KRTAP10-12: variants seen among roughly 807,000 people sequenced by gnomAD.
KRTAP10-12 encodes the protein keratin-associated protein 10-12.
For synonymous variants in KRTAP10-12, 142 were observed against 139.1 expected (o/e 1.02, Z -0.14); for missense variants, 311 against 324.4 (o/e 0.96, Z 0.32).
Position 44,697,829 on chromosome 21 carries a change from C to T in KRTAP10-12, c.628C>T (p.Pro210Ser). 1 of 1,613,320 alleles carries T rather than the reference C, an allele frequency of 6.2e-7. No homozygotes were observed. The highest frequency in any genetic ancestry group is 1.1e-5 in the South Asian group (1 of 91,030). The part of the protein sequence containing the change: ...RPVCRPARRV[P>S]VPSCCVPTSS... ...TGTGTGCAGACCCGCCCGCCGCGTGCCCGTCCCCTCCTGCTGTGTCCCCAC... is the reference window on the plus strand; with the variant it reads ...TGTGTGCAGACCCGCCCGCCGCGTGTCCGTCCCCTCCTGCTGTGTCCCCAC... Residue 210 changes from proline to serine, a missense_variant, in exon 1 of 1, where the codon CCC becomes TCC. Pro to Ser is a moderately conservative substitution (Grantham distance 74, BLOSUM62 -1). Coordinates refer to ENST00000400365, the MANE Select transcript of KRTAP10-12 (RefSeq NM_198699.1).
chr21:44,697,843 C>T lies in KRTAP10-12; in HGVS notation c.642C>T (p.Cys214=). The change falls in exon 1 of 1, where the codon TGC becomes TGT. Residue 214 remains cysteine (C), a synonymous_variant. Coordinates refer to ENST00000400365, the MANE Select transcript of KRTAP10-12 (RefSeq NM_198699.1). ...CCCGCCGCGTGCCCGTCCCCTCCTG[C>T]TGTGTCCCCACCTCCTCCTGCCAGC... ...RPARRVPVPS[C]CVPTSSCQPS... 1 of 1,604,318 alleles carries T rather than the reference C, an allele frequency of 6.2e-7. No homozygotes were observed.
In KRTAP10-12 at chr21:44,697,765, C is replaced by A; in HGVS notation, c.564C>A (p.Cys188Ter). The change falls in exon 1 of 1, where the codon TGC becomes TGA. Residue 188 changes from cysteine (C) to a stop codon, truncating the protein, a stop_gained. Coordinates refer to ENST00000400365, the MANE Select transcript of KRTAP10-12 (RefSeq NM_198699.1). LOFTEE classifies it low-confidence loss of function (END_TRUNC). The part of the protein sequence containing the change: ...SCQPACCTTS[C>*]CRPSSSVSLL... ...AGCCAGCTTGCTGCACCACCTCCTG[C>A]TGCAGACCCTCCTCCTCCGTGTCCC... is the stretch of plus-strand genomic sequence containing the variant. 1 of 1,614,134 alleles carries A rather than the reference C, an allele frequency of 6.2e-7. No individual in the cohort carries two copies. The highest frequency in any genetic ancestry group is 8.5e-7 in the Non-Finnish European group (1 of 1,180,010).
chr21:44,697,568 G>C lies in KRTAP10-12; in HGVS notation c.367G>C (p.Val123Leu). The part of the protein sequence containing the change: ...VCCKPVCCMP[V>L]CCGPSSSCCQ... ...CTGCAAGCCTGTGTGCTGTATGCCCGTCTGCTGTGGGCCTTCTTCTTCATG... is the reference window on the plus strand; with the variant it reads ...CTGCAAGCCTGTGTGCTGTATGCCCCTCTGCTGTGGGCCTTCTTCTTCATG... Residue 123 changes from valine (V) to leucine (L), a missense_variant, in exon 1 of 1, where the codon GTC (valine) becomes CTC (leucine). Physicochemically the swap from Val to Leu is conservative, Grantham distance 32. Coordinates refer to ENST00000400365, the MANE Select transcript of KRTAP10-12 (RefSeq NM_198699.1). 6.2e-7 allele frequency: 1 copy of C among 1,612,944 alleles called. No homozygotes were observed. Among genetic ancestry groups the C allele is most frequent in the Non-Finnish European group, 8.5e-7 (1 of 1,179,828 alleles).
Position 44,697,871 on chromosome 21 carries a change from A to G in KRTAP10-12, c.670A>G (p.Ser224Gly), listed in dbSNP as rs1555950984. 6.2e-7 allele frequency: 1 copy of G among 1,603,170 alleles called. No individual in the cohort carries two copies. The highest frequency in any genetic ancestry group is 8.5e-7 in the Non-Finnish European group (1 of 1,174,684). ...CCVPTSSCQP[S>G]CGRLASCGSL... ...TGTCCCCACCTCCTCCTGCCAGCCA[A>G]GCTGCGGCCGCCTGGCCTCCTGCGG... Residue 224 changes from serine (S) to glycine (G), a missense_variant, in exon 1 of 1, where the codon AGC (serine) becomes GGC (glycine). By Grantham distance (56) the Ser-to-Gly change is moderately conservative (BLOSUM62 0). Coordinates refer to ENST00000400365, the MANE Select transcript of KRTAP10-12 (RefSeq NM_198699.1).
At position 44,697,643 on chromosome 21, in the gene KRTAP10-12, C is replaced by G. The variant is rs1987432387; in HGVS notation, c.442C>G (p.Gln148Glu). Residue 148 changes from glutamine (Q) to glutamate (E), a missense_variant, in exon 1 of 1, where the codon CAA becomes GAA. Physicochemically the swap from Gln to Glu is conservative, Grantham distance 29. Coordinates refer to ENST00000400365, the MANE Select transcript of KRTAP10-12 (RefSeq NM_198699.1). ...AGCTTGCTGCATCTCCTCCCCGTGT[C>G]AACAGTCCTGCTGTGTGCCCGTCTG... ...QPACCISSPCQQSCCVPVCCK... is the reference protein window; with the variant it reads ...QPACCISSPCEQSCCVPVCCK... The G allele has an allele frequency of 1.2e-6, 2 of 1,613,580 alleles. No individual in the cohort carries two copies. The highest frequency in any genetic ancestry group is 2.7e-5 in the African/African-American group (2 of 74,680).
At position 44,697,413 on chromosome 21, in the gene KRTAP10-12, C is replaced by T; in HGVS notation, c.212C>T (p.Pro71Leu). 2 of 1,613,816 alleles carry T rather than the reference C, an allele frequency of 1.2e-6. No homozygotes were observed. The highest frequency in any genetic ancestry group is 1.3e-5 in the African/African-American group (1 of 75,048). The change falls in exon 1 of 1, where the codon CCC becomes CTC. Residue 71 changes from proline to leucine, a missense_variant. By Grantham distance (98) the Pro-to-Leu change is moderately conservative. Coordinates refer to ENST00000400365, the MANE Select transcript of KRTAP10-12 (RefSeq NM_198699.1). ...TGCCGAGTGACCTGTGAGCCCAGCC[C>T]CTGCCAATCAGGCTGCACCAGCTCC... ...PCCRVTCEPS[P>L]CQSGCTSSCT...
Position 44,697,411 on chromosome 21 carries a change from C to T in KRTAP10-12, c.210C>T (p.Ser70=). The T allele has an allele frequency of 1.2e-6, 2 of 1,613,724 alleles. No individual in the cohort carries two copies. The highest frequency in any genetic ancestry group is 8.5e-7 in the Non-Finnish European group (1 of 1,180,008). The change falls in exon 1 of 1, where the codon AGC becomes AGT. Residue 70 remains serine (S), a synonymous_variant. Transcript: ENST00000400365. ...SPCCRVTCEP[S]PCQSGCTSSC... ...GCTGCCGAGTGACCTGTGAGCCCAG[C>T]CCCTGCCAATCAGGCTGCACCAGCT... is the stretch of plus-strand genomic sequence containing the variant.
chr21:44,697,579 G>T lies in KRTAP10-12; in HGVS notation c.378G>T (p.Gly126=), dbSNP rs1987427536. The T allele has an allele frequency of 6.2e-7, 1 of 1,612,884 alleles. No individual in the cohort carries two copies. ...TGTGCTGTATGCCCGTCTGCTGTGG[G>T]CCTTCTTCTTCATGCTGCCAGCAGT... ...KPVCCMPVCC[G]PSSSCCQQSS... The change falls in exon 1 of 1, where the codon GGG becomes GGT. Residue 126 remains glycine, a synonymous_variant. Transcript: ENST00000400365.
Position 44,697,781 on chromosome 21 carries a change from T to C in KRTAP10-12, c.580T>C (p.Ser194Pro). The change falls in exon 1 of 1, where the codon TCC (serine) becomes CCC (proline). Residue 194 changes from serine (S) to proline (P), a missense_variant. Transcript: ENST00000400365. Reference protein sequence around the residue: ...CTTSCCRPSSSVSLLCRPVCR... With the variant: ...CTTSCCRPSSPVSLLCRPVCR... ...CACCTCCTGCTGCAGACCCTCCTCC[T>C]CCGTGTCCCTCCTCTGCCGCCCTGT... 6.2e-7 allele frequency: 1 copy of C among 1,613,874 alleles called. No individual in the cohort carries two copies. The highest frequency in any genetic ancestry group is 1.3e-5 in the African/African-American group (1 of 74,958).
In KRTAP10-12 at chr21:44,697,984, C is replaced by T; in HGVS notation, c.*45C>T. On this transcript the variant is annotated 3_prime_UTR_variant, in exon 1 of 1. Coordinates refer to ENST00000400365, the MANE Select transcript of KRTAP10-12 (RefSeq NM_198699.1). ...AGTCCAGCTGCTGCCAGGCATGTCC[C>T]CCAGGGCCACTGGGCACTATGAGTC... is the stretch of plus-strand genomic sequence containing the variant. The T allele has an allele frequency of 2.5e-6, 4 of 1,579,254 alleles. No individual in the cohort carries two copies. The South Asian group carries it at 3.6e-5, about 14-fold the overall frequency.
In KRTAP10-12 at chr21:44,697,370, C is replaced by A; in HGVS notation, c.169C>A (p.Arg57Ser). Residue 57 changes from arginine to serine, a missense_variant, in exon 1 of 1, where the codon CGT (arginine) becomes AGT (serine). Physicochemically the swap from Arg to Ser is moderately radical, Grantham distance 110. Transcript: ENST00000400365. ...GAGCCTGGTCTGCACCCCAGTGAGCCGTGTATCCAGCCCCTGCTGCCGAGT... is the reference window on the plus strand; with the variant it reads ...GAGCCTGGTCTGCACCCCAGTGAGCAGTGTATCCAGCCCCTGCTGCCGAGT... ...CLSLVCTPVS[R>S]VSSPCCRVTC... is the part of the protein sequence containing the mutation. 7 of 1,612,868 alleles carry A rather than the reference C, an allele frequency of 4.3e-6. No homozygotes were observed. Among genetic ancestry groups the A allele is most frequent in the Non-Finnish European group, 5.9e-6 (7 of 1,179,910 alleles).
At position 44,697,270 on chromosome 21, in the gene KRTAP10-12, C is replaced by T; in HGVS notation, c.69C>T (p.Cys23=). 6.2e-7 allele frequency: 1 copy of T among 1,614,092 alleles called. No homozygotes were observed. The highest frequency in any genetic ancestry group is 8.5e-7 in the Non-Finnish European group (1 of 1,180,012). Residue 23 remains cysteine, a synonymous_variant, in exon 1 of 1, where the codon TGC becomes TGT. Transcript: ENST00000400365. ...RVCLPGSCDS[C]SDSWQVDDCP... ...GCCTTCCTGGTTCCTGTGACTCTTG[C>T]TCCGACTCCTGGCAGGTGGACGACT...
chr21:44,697,999 C>T lies in KRTAP10-12; in HGVS notation c.*60C>T. 2 of 1,555,626 alleles carry T rather than the reference C, an allele frequency of 1.3e-6. No homozygotes were observed. Among genetic ancestry groups the T allele is most frequent in the Non-Finnish European group, 1.7e-6 (2 of 1,146,764 alleles). Reference sequence around the variant, plus strand: ...AGGCATGTCCCCCAGGGCCACTGGGCACTATGAGTCCCCCACCTCTCCCAC... The same window carrying T: ...AGGCATGTCCCCCAGGGCCACTGGGTACTATGAGTCCCCCACCTCTCCCAC... On this transcript the variant is annotated 3_prime_UTR_variant, in exon 1 of 1. Transcript: ENST00000400365.
At position 44,697,211 on chromosome 21, in the gene KRTAP10-12, T is replaced by C; in HGVS notation, c.10T>C (p.Cys4Arg). Residue 4 changes from cysteine to arginine, a missense_variant, in exon 1 of 1, where the codon TGC (cysteine) becomes CGC (arginine). Physicochemically the swap from Cys to Arg is radical, Grantham distance 180. Transcript: ENST00000400365. Reference sequence around the variant, plus strand: ...CACGGCTGCATCCACCATGTCCGTCTGCTCCAGCGACCTGAGCTATGGCAG... The same window carrying C: ...CACGGCTGCATCCACCATGTCCGTCCGCTCCAGCGACCTGAGCTATGGCAG... MSV[C>R]SSDLSYGSRV... 3 of 1,613,822 alleles carry C rather than the reference T, an allele frequency of 1.9e-6. No homozygotes were observed. Among genetic ancestry groups the C allele is most frequent in the African/African-American group, 1.3e-5 (1 of 75,048 alleles).
rs782180394 is a variant in KRTAP10-12, at chr21:44,697,277, T to G, written c.76T>G (p.Ser26Ala). The change falls in exon 1 of 1, where the codon TCC becomes GCC. Residue 26 changes from serine to alanine, a missense_variant. Ser to Ala is a moderately conservative substitution (Grantham distance 99, BLOSUM62 1). Coordinates refer to ENST00000400365, the MANE Select transcript of KRTAP10-12 (RefSeq NM_198699.1). ...TGGTTCCTGTGACTCTTGCTCCGAC[T>G]CCTGGCAGGTGGACGACTGCCCAGA... ...LPGSCDSCSDSWQVDDCPESC... is the reference protein window; with the variant it reads ...LPGSCDSCSDAWQVDDCPESC... 6.8e-6 allele frequency: 11 copies of G among 1,613,892 alleles called. No individual in the cohort carries two copies. The African/African-American group carries it at 1.3e-4, about 20-fold the overall frequency.
Position 44,697,745 on chromosome 21 carries a change from G to T in KRTAP10-12, c.544G>T (p.Ala182Ser). 1.2e-6 allele frequency: 2 copies of T among 1,614,094 alleles called. No homozygotes were observed. Among genetic ancestry groups the T allele is most frequent in the Non-Finnish European group, 1.7e-6 (2 of 1,180,008 alleles). ...CTGCCAGCAGTCTAGCTGCCAGCCA[G>T]CTTGCTGCACCACCTCCTGCTGCAG... ...LCCQQSSCQPACCTTSCCRPS... is the reference protein window; with the variant it reads ...LCCQQSSCQPSCCTTSCCRPS... The change falls in exon 1 of 1, where the codon GCT becomes TCT. Residue 182 changes from alanine (A) to serine (S), a missense_variant. By Grantham distance (99) the Ala-to-Ser change is moderately conservative. Transcript: ENST00000400365.
chr21:44,697,488 C>A lies in KRTAP10-12; in HGVS notation c.287C>A (p.Thr96Asn). 1 of 1,613,816 alleles carries A rather than the reference C, an allele frequency of 6.2e-7. No individual in the cohort carries two copies. The highest frequency in any genetic ancestry group is 2.2e-5 in the East Asian group (1 of 44,876). Residue 96 changes from threonine (T) to asparagine (N), a missense_variant, in exon 1 of 1, where the codon ACC (threonine) becomes AAC (asparagine). Transcript: ENST00000400365. Reference protein sequence around the residue: ...QQSSCQPACCTSSPCQQACCV... With the variant: ...QQSSCQPACCNSSPCQQACCV... ...TCTAGCTGCCAGCCGGCTTGCTGCA[C>A]CTCCTCCCCCTGCCAGCAGGCCTGC...
rs781998543 is a variant in KRTAP10-12 at position 44,697,915 on chromosome 21, C to T, written c.714C>T (p.Pro238=). The change falls in exon 1 of 1, where the codon CCC becomes CCT. Residue 238 remains proline, a synonymous_variant. Transcript: ENST00000400365. ...LASCGSLLCR[P]TCSRLAC is the part of the protein sequence containing the mutation. ...CCTGCGGGTCCCTCCTCTGCCGCCC[C>T]ACATGTTCCCGCCTGGCCTGCTGAG... 6.2e-7 allele frequency: 1 copy of T among 1,612,404 alleles called. No homozygotes were observed.
rs191466912 is a variant in KRTAP10-12, at chr21:44,697,219, C to T, written c.18C>T (p.Ser6=). 80 of 1,613,890 alleles carry T rather than the reference C, an allele frequency of 5.0e-5. No individual in the cohort carries two copies. The highest frequency in any genetic ancestry group is 6.7e-5 in the Admixed American group (4 of 60,010). The stretch of plus-strand genomic sequence containing the variant: ...CATCCACCATGTCCGTCTGCTCCAG[C>T]GACCTGAGCTATGGCAGCCGCGTCT... The part of the protein sequence containing the change: MSVCS[S]DLSYGSRVCL... The change falls in exon 1 of 1, where the codon AGC becomes AGT. Residue 6 remains serine, a synonymous_variant. Coordinates refer to ENST00000400365, the MANE Select transcript of KRTAP10-12 (RefSeq NM_198699.1).
Sources: gnomAD v4.1 joint callset for allele counts on GRCh38, gnomAD v4.1.1 for gene constraint, MANE v1.5 for transcripts, NCBI Gene and HGNC (gene_info 2026-07-23, HGNC 2026-07-21) for gene names.